The following SI variants were observed in gnomAD, a reference collection of about 807,000 sequenced individuals.
The protein encoded by SI is sucrase-isomaltase, also known as sucrase-isomaltase, intestinal.
A neutral mutation model predicts 253.3 loss-of-function variants in SI; 235 were observed. The observed-to-expected ratio is 0.93, with a 90% CI of 0.83 to 1.03. The LOEUF is 1.03. Ranked by LOEUF, SI falls within the 50% of genes least tolerant of loss-of-function variation. SI has a pLI of 0.00. For synonymous variants in SI, 819 were observed against 712.0 expected, an observed-to-expected ratio of 1.15 and a Z score of -2.39; for missense variants, 2,442 against 2,211.1, an observed-to-expected ratio of 1.10 and a Z score of -2.09.
chr3:165,032,741 C>T (rs1316554913), intron 23 of SI, 49 bp from the exon 24 acceptor site: 7 of 1,259,578 alleles, frequency 5.6e-6, no homozygotes, highest in Middle Eastern at 3.8e-4. Context: ...CAGATACAAA[C>T]CTGAAATAAC....
intron 25 of SI, among the ~76,000 whole-genome samples, chr3:165,027,466 C>T (rs1328385765): frequency 6.6e-6 from 1 of 151,254 alleles, no homozygotes; most frequent in Non-Finnish European, 1.5e-5. Context: ...AAGCCAGTAT[C>T]ACCCTAATAC....
At chr3:164,987,328 A>C in intron 44 of SI, 102 bp from the exon 45 acceptor site, 2 of 924,136 alleles carry the variant, frequency 2.2e-6, no homozygotes, top group Non-Finnish European at 3.5e-6. Context: ...CCAAGCATTA[A>C]GGAGTGTGCA....
chr3:165,008,912 CAATGTTACCA>C (rs1713414926), intron 35 of SI, among the ~76,000 whole-genome samples: 1 of 151,734 alleles, frequency 6.6e-6, no homozygotes, highest in South Asian at 2.1e-4. Flanking sequence ...CTTTAAAAGA[CAATGTTACCA>C]AATTTAAGAA....
chr3:165,023,171 T>C (rs1474169041), intron 26 of SI, among the ~76,000 whole-genome samples: 1 of 151,578 alleles, frequency 6.6e-6, no homozygotes, highest in Non-Finnish European at 1.5e-5. Context: ...ATGCTATCTC[T>C]AAAAGTTGAA....
At chr3:165,022,556 C>CAA (rs1368484250) in intron 26 of SI, among the ~76,000 whole-genome samples, 1 of 149,998 alleles carries the variant, frequency 6.7e-6, no homozygotes, top group African/African-American at 2.5e-5. Flanking sequence ...CACACACACA[C>CAA]ACACACACAC....
At chr3:165,067,273 G>A (rs532943622) in intron 6 of SI, 67 bp downstream of exon 6, 1 of 1,196,018 alleles carries the variant, frequency 8.4e-7, no homozygotes, top group Non-Finnish European at 1.2e-6. Context: ...AAAATGTCTT[G>A]AAATTAAGAC....
At chr3:165,043,018 T>A (rs768751887) in intron 17 of SI, 41 bp downstream of exon 17, 1 of 1,152,592 alleles carries the variant, frequency 8.7e-7, no homozygotes, top group Admixed American at 1.7e-5. Context: ...AAAACTATGG[T>A]TGTTTTTTAT....
At position 165,062,153 on chromosome 3, in the gene SI, A is replaced by T. The variant is rs540846920; in HGVS notation, c.1020+218T>A. On this transcript the variant is annotated intron_variant, in intron 9 of 47. Transcript: ENST00000264382. ...TGAACTCAGCTGCCTAGAGGTAAGA[A>T]ATTTTGAATTCAGAAACATAGATAC... is the stretch of plus-strand genomic sequence containing the variant. Among the ~76,000 whole-genome samples, 214 of 152,040 alleles carry T rather than the reference A, an allele frequency of 1.4e-3. 2 individuals carry two copies. The highest frequency in any genetic ancestry group is 5.1e-3 in the African/African-American group (210 of 41,536).
At chr3:165,014,821 A>G (rs1327160317) in intron 33 of SI, among the ~76,000 whole-genome samples, 4 of 152,176 alleles carry the variant, frequency 2.6e-5, no homozygotes, top group Non-Finnish European at 5.9e-5. Context: ...CTTGCAGTAC[A>G]GAATAATGAG....
At chr3:165,037,010 C>T (rs188984907) in intron 21 of SI, among the ~76,000 whole-genome samples, 186 of 151,406 alleles carry the variant, frequency 1.2e-3, no homozygotes, top group African/African-American at 4.4e-3. Flanking sequence ...ATCTCCTGGA[C>T]TGTATAGGAT....
rs761037077 is a variant in SI, at chr3:165,043,173, A to G, written c.1890T>C (p.Val630=). Residue 630 remains valine (V), a splice_region_variant and synonymous_variant, in exon 17 of 48, where the codon GTT becomes GTC. Coordinates refer to ENST00000264382, the MANE Select transcript of SI (RefSeq NM_001041.4). ...CCACAAATCCACAGATGTCTGCTCC[A>G]ACCTAAATAACAAATATATTTACTA... ...LEFSLFGIPL[V]GADICGFVAE... 1.3e-6 allele frequency: 2 copies of G among 1,593,534 alleles called. No homozygotes were observed. The highest frequency in any genetic ancestry group is 1.7e-6 in the Non-Finnish European group (2 of 1,162,698).
intron 24 of SI, 139 bp downstream of exon 24, chr3:165,032,383 A>C (rs1485695216): frequency 3.5e-6 from 2 of 568,524 alleles, no homozygotes; most frequent in African/African-American, 1.9e-5. Flanking sequence ...TGAAGAAAAA[A>C]ATGAAGGGAA....
At chr3:164,996,149 A>G (rs1430735247) in intron 40 of SI, among the ~76,000 whole-genome samples, 1 of 151,730 alleles carries the variant, frequency 6.6e-6, no homozygotes, top group Non-Finnish European at 1.5e-5. Flanking sequence ...CAGTGCGGGG[A>G]CCATGTAGAT....
At chr3:165,076,698 C>T (rs991612699) in intron 1 of SI, among the ~76,000 whole-genome samples, 1 of 151,590 alleles carries the variant, frequency 6.6e-6, no homozygotes, top group Non-Finnish European at 1.5e-5. Context: ...ATCAAAAATA[C>T]ATATTTATTA....
At chr3:164,990,953 T>C (rs1717705292) in intron 44 of SI, among the ~76,000 whole-genome samples, 1 of 152,090 alleles carries the variant, frequency 6.6e-6, no homozygotes, top group African/African-American at 2.4e-5. Context: ...AAATTCTTAA[T>C]ATTTCTTTTG....
Position 165,067,453 on chromosome 3 carries a change from A to T in SI, c.522T>A (p.His174Gln). Reference sequence around the variant, plus strand: ...GTCCAGTAAACTCTTTTACATACTGATGAGGAACTTCATATCTTCTATTAT... The same window carrying T: ...GTCCAGTAAACTCTTTTACATACTGTTGAGGAACTTCATATCTTCTATTAT... ...DPNNRRYEVP[H>Q]QYVKEFTGPT... Residue 174 changes from histidine to glutamine, a missense_variant, in exon 6 of 48, where the codon CAT becomes CAA. Physicochemically the swap from His to Gln is conservative, Grantham distance 24. Transcript: ENST00000264382. The T allele has an allele frequency of 6.2e-7, 1 of 1,611,512 alleles. No individual in the cohort carries two copies.
chr3:164,979,295 TTG>T lies in SI; in HGVS notation c.*65_*66del, dbSNP rs1717065146. 19 of 921,770 alleles carry T rather than the reference TTG, an allele frequency of 2.1e-5. No homozygotes were observed. The highest frequency in any genetic ancestry group is 2.1e-4 in the Middle Eastern group (1 of 4,720). 57.1% of individuals were successfully genotyped at this position (921,770 alleles called of 1,614,324 possible). ...ACAAGAACCAAGTGAAGAGGGAAAA[TTG>T]TAAGTGCTGTGAAACTTAAATCCTG... On this transcript the variant is annotated 3_prime_UTR_variant, in exon 48 of 48. Coordinates refer to ENST00000264382, the MANE Select transcript of SI (RefSeq NM_001041.4).
chr3:165,071,341 T>A (rs1350628807), intron 3 of SI, among the ~76,000 whole-genome samples: 2 of 151,922 alleles, frequency 1.3e-5, no homozygotes, highest in Non-Finnish European at 2.9e-5. Context: ...TTCAGGGTTT[T>A]AGGCATTTTC....
intron 26 of SI, among the ~76,000 whole-genome samples, chr3:165,022,559 A>ACACG (rs1711681819): frequency 6.7e-6 from 1 of 149,870 alleles, no homozygotes; most frequent in Admixed American, 6.7e-5. Flanking sequence ...ACACACACAC[A>ACACG]CACACACACA....
Sources: allele counts gnomAD v4.1 joint callset (sites outside exome capture counted in the v4.1 genomes callset), GRCh38; gene constraint gnomAD v4.1.1; transcripts MANE v1.5; gene names NCBI Gene and HGNC (gene_info 2026-07-23, HGNC 2026-07-21).